Variants in SNX29 observed in about 807,000 individuals in gnomAD.
SNX29 encodes sorting nexin 29.
Under a neutral mutation model 102.1 loss-of-function variants are expected in SNX29, and 78 were observed. The observed-to-expected ratio is 0.76, with a 90% confidence interval of 0.64 to 0.92. The LOEUF is 0.92. Among genes scored for constraint, SNX29 ranks in the 40% least tolerant of loss-of-function variants. The pLI is 0.00. For synonymous variants in SNX29, 580 were observed against 414.5 expected (o/e 1.40, Z -4.85); for missense variants, 1,280 against 1,061.7 (o/e 1.21, Z -2.86).
At chr16:12,335,649 CG>C (rs2081424067) in intron 15 of SNX29, among the ~76,000 whole-genome samples, 1 of 152,094 alleles carries the variant, frequency 6.6e-6, no homozygotes, top group African/African-American at 2.4e-5. Context: ...GCACTCCAGA[CG>C]GGGTGACGGA....
At chr16:12,061,234 A>G (rs991018136) in intron 8 of SNX29, among the ~76,000 whole-genome samples, 1 of 152,138 alleles carries the variant, frequency 6.6e-6, no homozygotes, top group Non-Finnish European at 1.5e-5. Context: ...ATGCCCCCCA[A>G]CAGACTGCAG....
chr16:12,507,321 A>T (rs1179194480), intron 19 of SNX29, among the ~76,000 whole-genome samples: 1 of 152,232 alleles, frequency 6.6e-6, no homozygotes, highest in Non-Finnish European at 1.5e-5. Context: ...GAGAAGGAGA[A>T]GCTTGACTCC....
intron 8 of SNX29, among the ~76,000 whole-genome samples, chr16:12,054,241 C>T (rs552288210): frequency 6.6e-6 from 1 of 152,372 alleles, no homozygotes; most frequent in East Asian, 1.9e-4. Context: ...GCTGGGATTA[C>T]AGGCATGAGC....
rs1218073822 is a variant in SNX29 at position 12,571,099 on chromosome 16, C to T, written c.*2470C>T. The T allele has an allele frequency of 8.6e-6, 2 of 232,518 alleles. No homozygotes were observed. Among genetic ancestry groups the T allele is most frequent in the African/African-American group, 2.2e-5 (1 of 45,312 alleles). The allele number at this position is 232,518 out of a possible 1,614,324, so 14.4% of individuals were successfully genotyped here. Reference sequence around the variant, plus strand: ...ATGACAGCAACTCCCCGAAGCCTTCCCTTTGGAATCCCATAGAATGTTCTG... The same window carrying T: ...ATGACAGCAACTCCCCGAAGCCTTCTCTTTGGAATCCCATAGAATGTTCTG... On this transcript the variant is annotated 3_prime_UTR_variant, in exon 21 of 21. Coordinates refer to ENST00000566228, the MANE Select transcript of SNX29 (RefSeq NM_032167.5).
chr16:12,285,180 T>A (rs998968353), intron 15 of SNX29, among the ~76,000 whole-genome samples: 1 of 152,200 alleles, frequency 6.6e-6, no homozygotes, highest in Admixed American at 6.5e-5. Context: ...GTAGATGCCG[T>A]TTCCCTTCAG....
At chr16:12,563,271 C>T (rs1487129651) in intron 20 of SNX29, among the ~76,000 whole-genome samples, 2 of 152,184 alleles carry the variant, frequency 1.3e-5, no homozygotes, top group African/African-American at 2.4e-5. Flanking sequence ...AGCAGAGGAA[C>T]GTCGGGTTCT....
At chr16:12,352,368 C>G (rs11075061) in intron 15 of SNX29, among the ~76,000 whole-genome samples, 93,430 of 149,874 alleles carry the variant, frequency 0.62, 30,863 homozygotes, top group African/African-American at 0.84. Context: ...GACTGTTGTG[C>G]GGTGGGGGAA....
intron 17 of SNX29, among the ~76,000 whole-genome samples, chr16:12,402,904 C>T (rs1013871241): frequency 6.6e-6 from 1 of 152,198 alleles, no homozygotes; most frequent in Non-Finnish European, 1.5e-5. Flanking sequence ...TCCTAAACAG[C>T]TGTCACCCTT....
chr16:12,531,114 C>T (rs75373591), intron 20 of SNX29, among the ~76,000 whole-genome samples: 1 of 152,322 alleles, frequency 6.6e-6, no homozygotes, highest in South Asian at 2.1e-4. Flanking sequence ...TCACTAAAGC[C>T]CACCCTCTCA....
chr16:11,991,786 C>G (rs959095881), intron 1 of SNX29, among the ~76,000 whole-genome samples: 31 of 149,072 alleles, frequency 2.1e-4, no homozygotes, highest in African/African-American at 7.2e-4. Context: ...CTCCTGACCT[C>G]AAGTGATCCA....
chr16:12,540,629 A>C (rs111828553), intron 20 of SNX29, among the ~76,000 whole-genome samples: 1 of 152,206 alleles, frequency 6.6e-6, no homozygotes, highest in Non-Finnish European at 1.5e-5. Flanking sequence ...TAAAGAGTCC[A>C]GGATCATCTC....
Position 12,572,005 on chromosome 16 carries a change from A to G in SNX29, c.*3376A>G. 9.4e-7 allele frequency: 1 copy of G among 1,062,398 alleles called. No individual in the cohort carries two copies. The highest frequency in any genetic ancestry group is 1.6e-5 in the African/African-American group (1 of 61,010). The allele number at this position is 1,062,398 out of a possible 1,614,324, so 65.8% of individuals were successfully genotyped here. ...TCACATCCAGTCACCAGTTGCATCT[A>G]GGGAGCTGCTGGCTATAAAAGGGAT... On this transcript the variant is annotated 3_prime_UTR_variant, in exon 21 of 21. Transcript: ENST00000566228.
chr16:12,078,931 GC>G lies in SNX29; in HGVS notation c.1402+21del. Reference sequence around the variant, plus strand: ...ATGACAATTAGTAAGTACTTTCGCAGCCCCCTCCACCAGCTCTGGGATGACT... The same window carrying G: ...ATGACAATTAGTAAGTACTTTCGCAGCCCCTCCACCAGCTCTGGGATGACT... On this transcript the variant is annotated intron_variant, in intron 11 of 20. Coordinates refer to ENST00000566228, the MANE Select transcript of SNX29 (RefSeq NM_032167.5). 1 of 1,583,580 alleles carries G rather than the reference GC, an allele frequency of 6.3e-7. No homozygotes were observed. Among genetic ancestry groups the G allele is most frequent in the Non-Finnish European group, 8.6e-7 (1 of 1,164,186 alleles).
chr16:12,558,885 G>A (rs1026626134), intron 20 of SNX29, among the ~76,000 whole-genome samples: 25 of 152,216 alleles, frequency 1.6e-4, no homozygotes, highest in African/African-American at 6.0e-4. Flanking sequence ...AAATGTGCCT[G>A]AGTTTGCTTC....
chr16:12,271,475 CTGTT>C (rs1216063682), intron 14 of SNX29, among the ~76,000 whole-genome samples: 1 of 152,200 alleles, frequency 6.6e-6, no homozygotes, highest in African/African-American at 2.4e-5. Flanking sequence ...CTGCCATAGT[CTGTT>C]TATTGGAGGT....
intron 20 of SNX29, among the ~76,000 whole-genome samples, chr16:12,534,999 C>G (rs937687345): frequency 2.6e-5 from 4 of 152,152 alleles, no homozygotes; most frequent in Admixed American, 2.0e-4. Context: ...GTTGAGAAGC[C>G]CAGACCTGGC....
At chr16:12,260,674 C>A (rs976940015) in intron 14 of SNX29, among the ~76,000 whole-genome samples, 6 of 43,800 alleles carry the variant, frequency 1.4e-4, no homozygotes, top group Non-Finnish European at 2.5e-4. Context: ...TGGATGTTTG[C>A]TATGAGCTTG....
intron 18 of SNX29, among the ~76,000 whole-genome samples, chr16:12,461,976 AAAATATATATATAT>A (rs1203842838): frequency 9.2e-5 from 4 of 43,464 alleles, no homozygotes; most frequent in African/African-American, 2.9e-4. Flanking sequence ...AAAAAAAAAA[AAAATATATATATAT>A]ATATATATAT....
intron 19 of SNX29, among the ~76,000 whole-genome samples, chr16:12,489,414 T>A (rs115572528): frequency 0.04 from 6,062 of 152,278 alleles, 310 homozygotes; most frequent in African/African-American, 0.11. Flanking sequence ...TGCAGTGTCA[T>A]GGGCCACTTG....
Sources: allele counts gnomAD v4.1 joint callset (sites outside exome capture counted in the v4.1 genomes callset), GRCh38; gene constraint gnomAD v4.1.1; transcripts MANE v1.5; gene names NCBI Gene and HGNC (gene_info 2026-07-23, HGNC 2026-07-21).